GRIP1: variants seen among roughly 807,000 people sequenced by gnomAD.
GRIP1 encodes the protein glutamate receptor-interacting protein 1.
In GRIP1, 45 loss-of-function variants were observed where a neutral mutation model predicts 129.9. The ratio of observed to expected loss-of-function variants is 0.35; its 90% CI spans 0.27 to 0.44. The LOEUF (loss-of-function observed/expected upper bound fraction) is 0.44, where lower values mean the gene tolerates loss of function less well. Ranked by LOEUF, GRIP1 falls within the 20% of genes least tolerant of loss-of-function variation. The pLI is 1.00. For missense variants in GRIP1, 1,196 were observed against 1,396.8 expected, an observed-to-expected ratio of 0.86 and a Z score of 2.29; for synonymous variants, 530 against 520.8, an observed-to-expected ratio of 1.02 and a Z score of -0.24.
chr12:66,886,817 C>T (rs899428693), intron 1 of GRIP1, among the ~76,000 whole-genome samples: 2 of 152,122 alleles, frequency 1.3e-5, no homozygotes, highest in African/African-American at 4.8e-5. Flanking sequence ...ACAACAATAC[C>T]GTGAAGAAGT....
chr12:66,932,644 AC>A (rs2041417248), intron 1 of GRIP1, among the ~76,000 whole-genome samples: 1 of 151,600 alleles, frequency 6.6e-6, no homozygotes, highest in Non-Finnish European at 1.5e-5. Flanking sequence ...AGAGGGAAAG[AC>A]TATAGATTAT....
chr12:66,456,227 T>G lies in GRIP1; in HGVS notation c.1158A>C (p.Pro386=). Residue 386 remains proline, a synonymous_variant, in exon 10 of 25, where the codon CCA becomes CCC. Coordinates refer to ENST00000359742, the MANE Select transcript of GRIP1 (RefSeq NM_001366722.1). ...NTYHPDHCRV[P]ALTFPKAPPP... is the part of the protein sequence containing the mutation. ...GAGGTGCTTTCGGGAATGTCAGGGC[T>G]GGTACTCTGCAATGGTCAGGGTGGT... 7.8e-7 allele frequency: 1 copy of G among 1,289,750 alleles called. No individual in the cohort carries two copies. The highest frequency in any genetic ancestry group is 1.0e-6 in the Non-Finnish European group (1 of 988,524). The allele number at this position is 1,289,750 out of a possible 1,614,324, so 79.9% of individuals were successfully genotyped here.
intron 1 of GRIP1, among the ~76,000 whole-genome samples, chr12:66,769,458 C>T (rs141185985): frequency 3.6e-4 from 55 of 152,140 alleles, no homozygotes; most frequent in Admixed American, 7.9e-4. Context: ...ACCAAAATGA[C>T]TCAAGCATGA....
chr12:66,948,582 T>C (rs1055674850), intron 1 of GRIP1, among the ~76,000 whole-genome samples: 1 of 152,128 alleles, frequency 6.6e-6, no homozygotes, highest in Non-Finnish European at 1.5e-5. Flanking sequence ...GAGACAGATA[T>C]GTGGCAAGAT....
At chr12:66,885,537 T>C (rs1221837114) in intron 1 of GRIP1, among the ~76,000 whole-genome samples, 2 of 151,950 alleles carry the variant, frequency 1.3e-5, no homozygotes, top group African/African-American at 4.8e-5. Flanking sequence ...AACGTGATGG[T>C]GAAGTCAGCA....
chr12:67,044,001 G>A (rs775147657), intron 1 of GRIP1, among the ~76,000 whole-genome samples: 12 of 152,102 alleles, frequency 7.9e-5, no homozygotes, highest in South Asian at 2.1e-4. Flanking sequence ...TTCCACCCAC[G>A]GGTAAAGCTG....
chr12:66,632,277 A>G (rs999375110), intron 1 of GRIP1, among the ~76,000 whole-genome samples: 1 of 152,216 alleles, frequency 6.6e-6, no homozygotes, highest in Non-Finnish European at 1.5e-5. Flanking sequence ...ATAAAACCAG[A>G]AGGTCACAAG....
intron 1 of GRIP1, among the ~76,000 whole-genome samples, chr12:66,890,251 C>G (rs1015189051): frequency 4.6e-5 from 7 of 152,070 alleles, no homozygotes; most frequent in Admixed American, 3.3e-4. Context: ...TTAAAATGCT[C>G]GTGAACATAG....
At chr12:66,434,806 T>C (rs2058252352) in intron 13 of GRIP1, among the ~76,000 whole-genome samples, 1 of 152,186 alleles carries the variant, frequency 6.6e-6, no homozygotes, top group African/African-American at 2.4e-5. Context: ...AGTGGCCAGG[T>C]TTTGCCCATA....
chr12:66,352,120 T>C (rs932775915), intron 24 of GRIP1, among the ~76,000 whole-genome samples: 1 of 152,164 alleles, frequency 6.6e-6, no homozygotes, highest in African/African-American at 2.4e-5. Flanking sequence ...GAACTGAGAA[T>C]AGAGTGGAGA....
At chr12:66,923,891 C>G (rs1386534547) in intron 1 of GRIP1, among the ~76,000 whole-genome samples, 1 of 151,986 alleles carries the variant, frequency 6.6e-6, no homozygotes, top group Non-Finnish European at 1.5e-5. Context: ...GTTGTCCACG[C>G]TGGAGTGTAA....
chr12:67,050,147 T>C (rs2043319678), intron 1 of GRIP1, among the ~76,000 whole-genome samples: 1 of 152,190 alleles, frequency 6.6e-6, no homozygotes, highest in Non-Finnish European at 1.5e-5. Context: ...GTTACAAATG[T>C]TCTTCCAAGT....
In GRIP1 at chr12:66,425,346, G is replaced by C. The variant is rs183987362; in HGVS notation, c.1769-4557C>G. Among the ~76,000 whole-genome samples, 343 of 152,266 alleles carry C rather than the reference G, an allele frequency of 2.3e-3. 1 individual carries two copies. The highest frequency in any genetic ancestry group is 7.8e-3 in the African/African-American group (324 of 41,540). Reference sequence around the variant, plus strand: ...CAACAGGTGCTGGAGAGGATGTGGAGAAATAGGAACACTTTTACACTGTTG... The same window carrying C: ...CAACAGGTGCTGGAGAGGATGTGGACAAATAGGAACACTTTTACACTGTTG... On this transcript the variant is annotated intron_variant, in intron 14 of 24. Transcript: ENST00000359742.
chr12:66,984,502 AT>A (rs543032337), intron 1 of GRIP1, among the ~76,000 whole-genome samples: 162 of 152,314 alleles, frequency 1.1e-3, no homozygotes, highest in Non-Finnish European at 2.1e-3. Flanking sequence ...TGTGCCAGGT[AT>A]TCTTCTAAGA....
chr12:66,895,702 G>C (rs2040736031), intron 1 of GRIP1, among the ~76,000 whole-genome samples: 1 of 152,166 alleles, frequency 6.6e-6, no homozygotes, highest in Admixed American at 6.5e-5. Context: ...GCTGGCCGCA[G>C]ACCCACCACT....
intron 1 of GRIP1, among the ~76,000 whole-genome samples, chr12:67,030,261 C>T (rs1471417500): frequency 1.3e-5 from 2 of 150,750 alleles, no homozygotes; most frequent in African/African-American, 4.9e-5. Context: ...CAAAATCTAC[C>T]TAGAATCTTA....
At chr12:66,806,468 A>C (rs1191434138), upstream of GRIP1, among the ~76,000 whole-genome samples, 2 of 152,142 alleles carry the variant, frequency 1.3e-5, no homozygotes, top group Non-Finnish European at 2.9e-5. Context: ...GCAGGCAATA[A>C]ATTTTACGCA....
intron 1 of GRIP1, among the ~76,000 whole-genome samples, chr12:66,607,060 A>C (rs2064570452): frequency 6.6e-6 from 1 of 152,094 alleles, no homozygotes; most frequent in South Asian, 2.1e-4. Flanking sequence ...TGTGTGTATA[A>C]AGAAAGGCAC....
rs149505405 is a variant in GRIP1 at position 66,990,851 on chromosome 12, G to A, written c.58+78199C>T. On this transcript the variant is annotated intron_variant, in intron 1 of 1. Coordinates refer to the GRIP1 transcript ENST00000643019. ...CTCTACTAAAAATACAAAATTAGCC[G>A]GGCGTGTTGGCACATGCCTGTAATC... 5.5e-4 allele frequency among the ~76,000 whole-genome samples: 83 copies of A among 152,034 alleles called. 1 individual carries two copies. The highest frequency in any genetic ancestry group is 1.7e-3 in the African/African-American group (70 of 41,470).
Sources: gnomAD v4.1 joint callset for allele counts (sites outside exome capture counted in the v4.1 genomes callset) on GRCh38, gnomAD v4.1.1 for gene constraint, MANE v1.5 for transcripts, NCBI Gene and HGNC (gene_info 2026-07-23, HGNC 2026-07-21) for gene names.